Variants in MCF2L observed in about 807,000 individuals in gnomAD.
MCF2L encodes MCF.2 cell line derived transforming sequence like, also known as guanine nucleotide exchange factor DBS.
MCF2L carries 97 observed loss-of-function variants against 153.4 expected under a neutral mutation model. The ratio of observed to expected loss-of-function variants is 0.63; its 90% CI spans 0.54 to 0.75. The LOEUF (loss-of-function observed/expected upper bound fraction) is 0.75. Among genes scored for constraint, MCF2L ranks in the 30% least tolerant of loss-of-function variants. The pLI, the probability that MCF2L is intolerant of heterozygous loss-of-function variation, is 0.00. For missense variants in MCF2L, 1,347 were observed against 1,495.2 expected (o/e 0.90, Z 1.64); for synonymous variants, 659 against 632.2 (o/e 1.04, Z -0.64).
intron 1 of MCF2L, among the ~76,000 whole-genome samples, chr13:112,896,814 A>G (rs55784216): frequency 0.024 from 3,610 of 152,324 alleles, 72 homozygotes; most frequent in Non-Finnish European, 0.038. Context: ...TCCCTCTGGC[A>G]TCCCAATGCA....
At chr13:112,981,121 A>G (rs888391750) in intron 1 of MCF2L, among the ~76,000 whole-genome samples, 2 of 148,936 alleles carry the variant, frequency 1.3e-5, no homozygotes, top group African/African-American at 2.5e-5. Flanking sequence ...TGGGGACCCC[A>G]AGACGTCCCT....
intron 2 of MCF2L, among the ~76,000 whole-genome samples, chr13:112,962,354 CAT>C (rs999253745): frequency 8.5e-5 from 13 of 152,252 alleles, no homozygotes; most frequent in South Asian, 4.1e-4. Context: ...TACAAACACA[CAT>C]GTGGATTTTC....
chr13:112,903,425 C>T (rs375324458), intron 2 of MCF2L, among the ~76,000 whole-genome samples: 2 of 152,312 alleles, frequency 1.3e-5, no homozygotes, highest in African/African-American at 4.8e-5. Context: ...CCTCCTGTTT[C>T]GTGTCTTCAG....
intron 12 of MCF2L, among the ~76,000 whole-genome samples, 172 bp downstream of exon 12, chr13:113,076,329 A>C (rs1351567013): frequency 6.6e-6 from 1 of 151,986 alleles, no homozygotes; most frequent in East Asian, 1.9e-4. Context: ...CAGTGGCACG[A>C]TCTTAGCTCA....
In MCF2L at chr13:113,096,895, G is replaced by T; in HGVS notation, c.*36G>T. 7.6e-7 allele frequency: 1 copy of T among 1,309,902 alleles called. No homozygotes were observed. Among genetic ancestry groups the T allele is most frequent in the East Asian group, 3.2e-5 (1 of 30,882 alleles). The allele number at this position is 1,309,902 out of a possible 1,614,324, so 81.1% of individuals were successfully genotyped here. A position where few individuals can be genotyped will look rare whatever the true frequency, so the allele number is the denominator to read the frequency against. ...GCGCCGGAGACCCGCGCGCTGTCTGGGGCTGCGGTGGCGTGGGGAGGGCGC... is the reference window on the plus strand; with the variant it reads ...GCGCCGGAGACCCGCGCGCTGTCTGTGGCTGCGGTGGCGTGGGGAGGGCGC... On this transcript the variant is annotated 3_prime_UTR_variant, in exon 30 of 30. Coordinates refer to ENST00000535094, the MANE Select transcript of MCF2L (RefSeq NM_001112732.3).
chr13:112,907,000 C>A (rs371936757), intron 2 of MCF2L, among the ~76,000 whole-genome samples: 1 of 152,164 alleles, frequency 6.6e-6, no homozygotes, highest in African/African-American at 2.4e-5. Context: ...AGAAGAGCAG[C>A]GAAGAAACAG....
At chr13:113,022,982 G>A (rs2141270553) in intron 2 of MCF2L, among the ~76,000 whole-genome samples, 1 of 152,354 alleles carries the variant, frequency 6.6e-6, no homozygotes, top group Non-Finnish European at 1.5e-5. Context: ...GGGGGCAGAG[G>A]TCAAGAGCCC....
chr13:113,030,124 T>C (rs940971831), intron 3 of MCF2L, among the ~76,000 whole-genome samples: 2 of 152,220 alleles, frequency 1.3e-5, no homozygotes, highest in Admixed American at 1.3e-4. Context: ...GGGGCACCTG[T>C]TAATATAAAC....
intron 2 of MCF2L, among the ~76,000 whole-genome samples, chr13:112,919,291 C>T (rs1053474184): frequency 6.1e-5 from 9 of 147,714 alleles, no homozygotes; most frequent in African/African-American, 2.0e-4. Context: ...CTGCAAGCTC[C>T]GCCTCCCGGG....
At chr13:112,922,273 G>T (rs998807621) in intron 2 of MCF2L, among the ~76,000 whole-genome samples, 1 of 152,180 alleles carries the variant, frequency 6.6e-6, no homozygotes, top group African/African-American at 2.4e-5. Flanking sequence ...GGAAAGGAAA[G>T]AGCTCTTCCC....
rs145592732 is a variant in MCF2L, at chr13:113,075,126, G to C, written c.1245G>C (p.Ala415=). 1.7e-5 allele frequency: 27 copies of C among 1,613,216 alleles called. No individual in the cohort carries two copies. The African/African-American group carries it at 2.1e-4, about 13-fold the overall frequency. ...GGCACCTCTGTGACCAGTTCTCTGC[G>C]GAGATCGCAAGGAGGAGGGGGCTGC... ...ELRHLCDQFS[A]EIARRRGLLS... The change falls in exon 11 of 30, where the codon GCG becomes GCC. Residue 415 remains alanine, a synonymous_variant. Transcript: ENST00000535094.
At chr13:113,057,692 GTGTTTGGGTGCTGAGTGTTTTGGCAC>G (rs1389366787) in intron 4 of MCF2L, among the ~76,000 whole-genome samples, 1 of 143,046 alleles carries the variant, frequency 7.0e-6, no homozygotes, top group Admixed American at 6.9e-5. Context: ...TGGGTGCTGA[GTGTTTGGGTGCTGAGTGTTTTGGCAC>G]TGTTTGGGTG....
intron 2 of MCF2L, among the ~76,000 whole-genome samples, chr13:112,925,118 A>G (rs1292034609): frequency 1.3e-5 from 2 of 152,238 alleles, no homozygotes; most frequent in African/African-American, 4.8e-5. Flanking sequence ...GTAATCCAAT[A>G]GGCATATCCA....
At chr13:112,973,768 AC>A (rs2082128973) in intron 1 of MCF2L, among the ~76,000 whole-genome samples, 1 of 152,076 alleles carries the variant, frequency 6.6e-6, no homozygotes, top group Admixed American at 6.5e-5. Context: ...CTTCAGGGAG[AC>A]CCGTGGCTCC....
At chr13:112,999,034 C>T (rs1041851866) in intron 1 of MCF2L, among the ~76,000 whole-genome samples, 6 of 152,294 alleles carry the variant, frequency 3.9e-5, no homozygotes, top group African/African-American at 1.2e-4. Flanking sequence ...GTGTGTGGTT[C>T]GGGCCACGTG....
At chr13:112,981,825 G>A (rs2082439388) in intron 1 of MCF2L, among the ~76,000 whole-genome samples, 1 of 152,232 alleles carries the variant, frequency 6.6e-6, no homozygotes, top group Non-Finnish European at 1.5e-5. Context: ...ATGGACGCCT[G>A]GGGACTGAGC....
intron 4 of MCF2L, among the ~76,000 whole-genome samples, chr13:113,048,823 C>T (rs566120465): frequency 1.4e-3 from 209 of 152,286 alleles, no homozygotes; most frequent in African/African-American, 5.0e-3. Flanking sequence ...CTGGGCATCA[C>T]GGATGTGAGG....
intron 9 of MCF2L, among the ~76,000 whole-genome samples, chr13:113,072,246 A>G (rs1283593527): frequency 1.3e-5 from 2 of 152,262 alleles, no homozygotes; most frequent in South Asian, 4.1e-4. Context: ...AGTCCTTGAC[A>G]TTTTCCATAT....
In MCF2L at chr13:113,064,886, A is replaced by T. The variant is rs570879532; in HGVS notation, c.607-50A>T. ...CGGTGTCTGCTTTCAGGGCAGCAGG[A>T]GGTGGGTGCAGTGCACAAGGCATGC... On this transcript the variant is annotated intron_variant, in intron 6 of 29. Transcript: ENST00000535094. The surrounding 1 kb of genome is among the most constrained non-coding windows in gnomAD (Gnocchi z 6.0). The T allele has an allele frequency of 6.4e-7, 1 of 1,569,170 alleles. No homozygotes were observed. The highest frequency in any genetic ancestry group is 1.3e-5 in the African/African-American group (1 of 74,218).
Sources: allele counts gnomAD v4.1 joint callset (sites outside exome capture counted in the v4.1 genomes callset), GRCh38; gene constraint gnomAD v4.1.1; non-coding constraint Gnocchi (gnomAD v3.1); transcripts MANE v1.5; gene names NCBI Gene and HGNC (gene_info 2026-07-23, HGNC 2026-07-21).